NPNT: variants seen among roughly 807,000 people sequenced by gnomAD.
NPNT encodes the protein preosteoblast EGF-like repeat protein with MAM domain.
In NPNT, 45 loss-of-function variants were observed where a neutral mutation model predicts 68.6. The observed-to-expected ratio is 0.66, with a 90% CI of 0.52 to 0.84. The LOEUF (loss-of-function observed/expected upper bound fraction) is 0.84. NPNT is among the 40% of genes least tolerant of loss of function. NPNT has a pLI of 0.00. For synonymous variants in NPNT, 233 were observed against 253.3 expected, an observed-to-expected ratio of 0.92 and a Z score of 0.76; for missense variants, 672 against 714.8, an observed-to-expected ratio of 0.94 and a Z score of 0.68.
chr4:105,954,501 C>G (rs1441522416), intron 8 of NPNT, among the ~76,000 whole-genome samples: 1 of 152,194 alleles, frequency 6.6e-6, no homozygotes, highest in Non-Finnish European at 1.5e-5. Flanking sequence ...TTTCAGCATG[C>G]AAACCTGATC....
At chr4:105,920,394 C>CTAAAAAAAAAAAAAAAAAAAAAAA (rs1728161032) in intron 2 of NPNT, among the ~76,000 whole-genome samples, 1 of 35,768 alleles carries the variant, frequency 2.8e-5, no homozygotes, top group African/African-American at 1.7e-4. Flanking sequence ...TGTTACTCTA[C>CTAAAAAAAAAAAAAAAAAAAAAAA]TAAAAAAAAA....
At chr4:105,905,572 A>G (rs987698115) in intron 2 of NPNT, among the ~76,000 whole-genome samples, 1 of 152,160 alleles carries the variant, frequency 6.6e-6, no homozygotes, top group African/African-American at 2.4e-5. Context: ...AGTCCTCATT[A>G]GTTTATTTAA....
At chr4:105,904,143 G>A (rs928932549) in intron 2 of NPNT, among the ~76,000 whole-genome samples, 1 of 152,058 alleles carries the variant, frequency 6.6e-6, no homozygotes, top group Non-Finnish European at 1.5e-5. Context: ...TAATTTATTA[G>A]CAAGTCTCTT....
rs1050708059 is a variant in NPNT, at chr4:105,958,535, C to T, written c.1224C>T (p.Asp408=). ...IFEIERGVSA[D]DEAKDDPGVL... is the part of the protein sequence containing the mutation. ...AAATAGAAAGAGGAGTCAGTGCAGA[C>T]GATGAAGCAAAGGATGATCCAGGTG... Residue 408 remains aspartate, a synonymous_variant, in exon 9 of 12, where the codon GAC becomes GAT. Coordinates refer to ENST00000379987, the MANE Select transcript of NPNT (RefSeq NM_001033047.3). The T allele has an allele frequency of 5.6e-6, 9 of 1,605,676 alleles. No individual in the cohort carries two copies. The highest frequency in any genetic ancestry group is 6.8e-6 in the Non-Finnish European group (8 of 1,173,672).
chr4:105,970,703 T>A lies in NPNT; in HGVS notation c.*1713T>A, dbSNP rs1200649036. 1 of 473,248 alleles carries A rather than the reference T, an allele frequency of 2.1e-6. No individual in the cohort carries two copies. The highest frequency in any genetic ancestry group is 3.9e-6 in the Non-Finnish European group (1 of 255,994). The allele number at this position is 473,248 out of a possible 1,614,324, so 29.3% of individuals were successfully genotyped here. A position where few individuals can be genotyped will look rare whatever the true frequency, so the allele number is the denominator to read the frequency against. On this transcript the variant is annotated 3_prime_UTR_variant, in exon 12 of 12. Coordinates refer to ENST00000379987, the MANE Select transcript of NPNT (RefSeq NM_001033047.3). Reference sequence around the variant, plus strand: ...TTCTAAAAAATTAGATAAAAATTTGTCTATTTAAGATGGTTAAAGATGTTC... The same window carrying A: ...TTCTAAAAAATTAGATAAAAATTTGACTATTTAAGATGGTTAAAGATGTTC...
intron 8 of NPNT, among the ~76,000 whole-genome samples, chr4:105,947,111 T>C (rs1259771559): frequency 2.6e-5 from 4 of 152,208 alleles, no homozygotes; most frequent in Non-Finnish European, 5.9e-5. Context: ...TTATCCTACT[T>C]GCACATCTGT....
chr4:105,913,608 A>G (rs1308641912), intron 2 of NPNT, among the ~76,000 whole-genome samples: 1 of 152,228 alleles, frequency 6.6e-6, no homozygotes, highest in Non-Finnish European at 1.5e-5. Context: ...CTCAATATAT[A>G]CAATACAAAT....
intron 1 of NPNT, among the ~76,000 whole-genome samples, chr4:105,897,623 C>T (rs979987467): frequency 6.6e-6 from 1 of 152,160 alleles, no homozygotes; most frequent in Admixed American, 6.5e-5. Context: ...TTGGTGTTAG[C>T]TGGTGCTATT....
At chr4:105,937,323 G>A (rs1461601449) in intron 4 of NPNT, among the ~76,000 whole-genome samples, 195 bp downstream of exon 4, 1 of 151,768 alleles carries the variant, frequency 6.6e-6, no homozygotes, top group African/African-American at 2.4e-5. Flanking sequence ...TCTATCACGG[G>A]TGCCAATATT....
intron 8 of NPNT, among the ~76,000 whole-genome samples, chr4:105,956,467 T>G (rs1285252869): frequency 1.3e-5 from 2 of 151,814 alleles, no homozygotes; most frequent in Non-Finnish European, 2.9e-5. Flanking sequence ...GTCCTTCATC[T>G]GGGAGGAAAA....
chr4:105,956,506 G>A (rs181858262), intron 8 of NPNT, among the ~76,000 whole-genome samples: 268 of 152,146 alleles, frequency 1.8e-3, no homozygotes, highest in Non-Finnish European at 3.4e-3. Flanking sequence ...TTGAAAAACT[G>A]TCATAATGTC....
chr4:105,922,104 T>C (rs1007610533), intron 2 of NPNT, among the ~76,000 whole-genome samples: 1 of 152,118 alleles, frequency 6.6e-6, no homozygotes, highest in Non-Finnish European at 1.5e-5. Context: ...GATAATCTTA[T>C]TTCTATTGAG....
chr4:105,934,484 G>C (rs1235649441), intron 3 of NPNT, among the ~76,000 whole-genome samples: 3 of 152,190 alleles, frequency 2.0e-5, no homozygotes, highest in African/African-American at 7.2e-5. Flanking sequence ...TATAGTATCT[G>C]AAGTGGCTTT....
In NPNT at chr4:105,970,182, G is replaced by C. The variant is rs1732469702; in HGVS notation, c.*1192G>C. The C allele has an allele frequency of 1.9e-6, 1 of 530,562 alleles. No homozygotes were observed. Among genetic ancestry groups the C allele is most frequent in the Non-Finnish European group, 3.4e-6 (1 of 294,254 alleles). The allele number at this position is 530,562 out of a possible 1,614,324, so 32.9% of individuals were successfully genotyped here. ...AAGCAAGTCCCATGCTTAGAGGCAT[G>C]GGATGTGTTGGAACGGGATTTACAC... On this transcript the variant is annotated 3_prime_UTR_variant, in exon 12 of 12. Transcript: ENST00000379987.
chr4:105,903,103 C>T (rs1406462010), intron 2 of NPNT, among the ~76,000 whole-genome samples: 1 of 152,176 alleles, frequency 6.6e-6, no homozygotes, highest in Non-Finnish European at 1.5e-5. Flanking sequence ...CACGCATGTA[C>T]ACACTGGGAC....
Position 105,968,918 on chromosome 4 carries a change from G to A in NPNT, c.1626G>A (p.Arg542=), listed in dbSNP as rs1172062091. ...IKSVVFKGEK[R]RGHTGEIGLD... ...AGGTCGTCTTCAAAGGTGAAAAAAG[G>A]CGTGGTCACACTGGGGAGATTGGAT... The change falls in exon 12 of 12, where the codon AGG becomes AGA. Residue 542 remains arginine, a synonymous_variant. Coordinates refer to ENST00000379987, the MANE Select transcript of NPNT (RefSeq NM_001033047.3). 1.2e-6 allele frequency: 2 copies of A among 1,611,950 alleles called. No individual in the cohort carries two copies. The highest frequency in any genetic ancestry group is 1.7e-6 in the Non-Finnish European group (2 of 1,178,216).
At chr4:105,896,085 C>A (rs1010706151) in intron 1 of NPNT, 2 of 264,750 alleles carry the variant, frequency 7.6e-6, no homozygotes, top group South Asian at 1.2e-4. Context: ...ACCCGGGAAA[C>A]TCCCGCGCCT....
In NPNT at chr4:105,969,035, T is replaced by G. The variant is rs139131567; in HGVS notation, c.*45T>G. Reference sequence around the variant, plus strand: ...GAACTCCTATGTTGCTCTATCCTCTTTTTCCAATTCTCATCTTCTCTCCTC... The same window carrying G: ...GAACTCCTATGTTGCTCTATCCTCTGTTTCCAATTCTCATCTTCTCTCCTC... On this transcript the variant is annotated 3_prime_UTR_variant, in exon 12 of 12. Transcript: ENST00000379987. 1,415 of 1,252,256 alleles carry G rather than the reference T, an allele frequency of 1.1e-3. 11 individuals are homozygous for G. The African/African-American group carries it at 0.018, about 16-fold the overall frequency. The allele number at this position is 1,252,256 out of a possible 1,614,324, so 77.6% of individuals were successfully genotyped here. A position where few individuals can be genotyped will look rare whatever the true frequency, so the allele number is the denominator to read the frequency against.
chr4:105,934,753 C>T (rs149721802), intron 3 of NPNT, among the ~76,000 whole-genome samples: 35 of 152,322 alleles, frequency 2.3e-4, no homozygotes, highest in African/African-American at 7.9e-4. Flanking sequence ...TTCACATATT[C>T]ATACAGTCCA....
Sources: gnomAD v4.1 joint callset for allele counts (sites outside exome capture counted in the v4.1 genomes callset) on GRCh38, gnomAD v4.1.1 for gene constraint, MANE v1.5 for transcripts, NCBI Gene and HGNC (gene_info 2026-07-23, HGNC 2026-07-21) for gene names.